Variants in SSU72 observed in about 807,000 individuals in gnomAD.
SSU72 encodes SSU72 homolog, RNA polymerase II CTD phosphatase.
In SSU72, 12 loss-of-function variants were observed where a neutral mutation model predicts 22.7. The observed-to-expected ratio is 0.53, with a 90% CI of 0.34 to 0.86. The LOEUF is 0.86. Among genes scored for constraint, SSU72 ranks in the 40% least tolerant of loss-of-function variants. SSU72 has a pLI of 0.02. For synonymous variants in SSU72, 116 were observed against 98.3 expected (o/e 1.18, Z -1.06); for missense variants, 151 against 249.8 (o/e 0.60, Z 2.67).
At chr1:1,564,745 G>T in intron 2 of SSU72, 28 bp downstream of exon 2, 3 of 1,614,208 alleles carry the variant, frequency 1.9e-6, no homozygotes, top group East Asian at 2.2e-5. Flanking sequence ...CACACGGGGG[G>T]TTTTTAAAGG....
chr1:1,556,438 G>GGCT (rs1329551921), intron 2 of SSU72, among the ~76,000 whole-genome samples: 3 of 152,024 alleles, frequency 2.0e-5, no homozygotes, highest in African/African-American at 7.2e-5. Flanking sequence ...TACTTGCGGG[G>GGCT]GCTGAGGCAG....
intron 2 of SSU72, 161 bp from the exon 3 acceptor site, chr1:1,545,163 C>A: frequency 1.3e-6 from 1 of 777,480 alleles, no homozygotes; most frequent in Non-Finnish European, 2.1e-6. Context: ...GAGGCAGGGG[C>A]CTCACTGTCC....
At chr1:1,547,905 G>A (rs538729401) in intron 2 of SSU72, among the ~76,000 whole-genome samples, 3 of 152,232 alleles carry the variant, frequency 2.0e-5, no homozygotes, top group Non-Finnish European at 4.4e-5. Context: ...AGGTCCTGCA[G>A]AAGTCCCACT....
intron 1 of SSU72, 89 bp downstream of exon 1, chr1:1,574,389 G>A (rs1350503774): frequency 1.9e-5 from 27 of 1,408,046 alleles, no homozygotes; most frequent in Non-Finnish European, 2.4e-5. Flanking sequence ...TTCCTCTCAG[G>A]GGTCCTGGCG....
At position 1,564,896 on chromosome 1, in the gene SSU72, C is replaced by A; in HGVS notation, c.101G>T (p.Arg34Leu). 1 of 1,606,322 alleles carries A rather than the reference C, an allele frequency of 6.2e-7. No homozygotes were observed. The highest frequency in any genetic ancestry group is 1.1e-5 in the South Asian group (1 of 90,128). Residue 34 changes from arginine (R) to leucine (L), a missense_variant, in exon 2 of 5, where the codon CGA becomes CTA. Physicochemically the swap from Arg to Leu is moderately radical, Grantham distance 102. Transcript: ENST00000291386. ...CACGTGAGTCCCTGTTCCAAAGGAT[C>A]GGACGCTGAATCCCCGTTTGCTGAA... ...NILSKRGFSVRSFGTGTHVKL... is the reference protein window; with the variant it reads ...NILSKRGFSVLSFGTGTHVKL...
At chr1:1,544,123 A>C in intron 3 of SSU72, 136 bp from the exon 4 acceptor site, 5 of 649,506 alleles carry the variant, frequency 7.7e-6, no homozygotes, top group Non-Finnish European at 1.3e-5. Context: ...CAGTTTGGGG[A>C]GCACAATGAA....
At chr1:1,558,388 A>C (rs1642546329) in intron 2 of SSU72, among the ~76,000 whole-genome samples, 1 of 151,898 alleles carries the variant, frequency 6.6e-6, no homozygotes, top group African/African-American at 2.4e-5. Flanking sequence ...AATAATAATA[A>C]TCCAAACCCC....
At chr1:1,556,594 G>C (rs995780939) in intron 2 of SSU72, among the ~76,000 whole-genome samples, 1 of 152,024 alleles carries the variant, frequency 6.6e-6, no homozygotes, top group Non-Finnish European at 1.5e-5. Context: ...GCAAAGCACA[G>C]AGGCTGCACA....
chr1:1,557,755 G>A (rs765006388), intron 2 of SSU72, among the ~76,000 whole-genome samples: 8 of 151,964 alleles, frequency 5.3e-5, no homozygotes, highest in Non-Finnish European at 8.8e-5. Flanking sequence ...CCGAGATCAC[G>A]CCATTGCACT....
rs369248359 is a variant in SSU72, at chr1:1,574,600, A to T, written c.-43T>A. On this transcript the variant is annotated 5_prime_UTR_variant, in exon 1 of 5. Coordinates refer to ENST00000291386, the MANE Select transcript of SSU72 (RefSeq NM_014188.3). ...CCGCGGCTCTCCCGCTTGGGTTCCCACCCTACCGCGGCGCTTCCGCGCGAA... is the reference window on the plus strand; with the variant it reads ...CCGCGGCTCTCCCGCTTGGGTTCCCTCCCTACCGCGGCGCTTCCGCGCGAA... 7.5e-5 allele frequency: 116 copies of T among 1,543,460 alleles called. No individual in the cohort carries two copies. The highest frequency in any genetic ancestry group is 9.9e-5 in the Non-Finnish European group (113 of 1,145,916).
At chr1:1,564,335 T>A (rs1642631725) in intron 2 of SSU72, 6 of 775,690 alleles carry the variant, frequency 7.7e-6, no homozygotes, top group Non-Finnish European at 1.2e-5. Context: ...TTATCTGACC[T>A]TCTAACGACC....
chr1:1,552,528 C>T (rs1310040483), intron 2 of SSU72, among the ~76,000 whole-genome samples: 4 of 152,234 alleles, frequency 2.6e-5, no homozygotes, highest in Non-Finnish European at 1.5e-5. Context: ...AGGGCGATTC[C>T]TCCCGAGCCC....
chr1:1,542,289 C>T lies in SSU72; in HGVS notation c.484-122G>A, dbSNP rs904899870. ...CAGAAACCAGCGCAGCAGGCAGGCC[C>T]TCACCCCACCGCTGCTGCCTCACAA... On this transcript the variant is annotated intron_variant, in intron 4 of 4. Transcript: ENST00000291386. The surrounding 1 kb of genome is among the most constrained non-coding windows in gnomAD (Gnocchi z 4.4). 3 of 893,368 alleles carry T rather than the reference C, an allele frequency of 3.4e-6. No homozygotes were observed. The highest frequency in any genetic ancestry group is 4.5e-5 in the Admixed American group (2 of 44,766). The allele number at this position is 893,368 out of a possible 1,614,324, so 55.3% of individuals were successfully genotyped here.
At chr1:1,555,112 G>A (rs984858605) in intron 2 of SSU72, among the ~76,000 whole-genome samples, 4 of 152,112 alleles carry the variant, frequency 2.6e-5, no homozygotes, top group South Asian at 4.2e-4. Flanking sequence ...ACTGAGTGAC[G>A]GGACACACAG....
intron 1 of SSU72, among the ~76,000 whole-genome samples, chr1:1,570,318 C>A (rs562317062): frequency 6.7e-6 from 1 of 149,502 alleles, no homozygotes; most frequent in African/African-American, 2.5e-5. Context: ...AAAATGACAA[C>A]AGACATAAAT....
chr1:1,555,594 C>T (rs757885097), intron 2 of SSU72, among the ~76,000 whole-genome samples: 3 of 152,210 alleles, frequency 2.0e-5, no homozygotes, highest in South Asian at 2.1e-4. Context: ...CAGGTGACAC[C>T]GACACGGCTG....
Position 1,553,664 on chromosome 1 carries a change from G to A in SSU72, c.225-8662C>T, listed in dbSNP as rs145716368. ...AAATTAGCCGGGCATGGTGGCAGGC[G>A]CCTGTAGTCCCAGCTACTCGGGAGG... On this transcript the variant is annotated intron_variant, in intron 2 of 4. Coordinates refer to ENST00000291386, the MANE Select transcript of SSU72 (RefSeq NM_014188.3). Among the ~76,000 whole-genome samples the A allele has an allele frequency of 7.3e-5, 11 of 151,056 alleles. No homozygotes were observed. In the East Asian group the frequency reaches 7.8e-4, roughly 11 times the overall value.
chr1:1,565,549 C>A (rs1288958375), intron 1 of SSU72, among the ~76,000 whole-genome samples: 1 of 152,238 alleles, frequency 6.6e-6, no homozygotes, highest in Non-Finnish European at 1.5e-5. Flanking sequence ...TCACAGGATT[C>A]CTAAGGGACT....
chr1:1,571,662 C>T (rs1347847010), intron 1 of SSU72, among the ~76,000 whole-genome samples: 1 of 152,206 alleles, frequency 6.6e-6, no homozygotes, highest in African/African-American at 2.4e-5. Flanking sequence ...CACAGCTCTG[C>T]CAGCAACGGC....
Sources: allele counts gnomAD v4.1 joint callset (sites outside exome capture counted in the v4.1 genomes callset), GRCh38; gene constraint gnomAD v4.1.1; non-coding constraint Gnocchi (gnomAD v3.1); transcripts MANE v1.5; gene names NCBI Gene and HGNC (gene_info 2026-07-23, HGNC 2026-07-21).